Variants in COL6A3 observed in about 807,000 individuals in gnomAD.
COL6A3 encodes the protein collagen alpha-3(VI) chain.
Under a neutral mutation model 274.1 loss-of-function variants are expected in COL6A3, and 137 were observed. The observed-to-expected ratio is 0.50, with a 90% CI of 0.44 to 0.58. COL6A3 has a LOEUF of 0.58. COL6A3 is among the 20% of genes least tolerant of loss of function. COL6A3 has a pLI of 0.00. For missense variants in COL6A3, 3,950 were observed against 4,124.9 expected (o/e 0.96, Z 1.16); for synonymous variants, 1,650 against 1,650.6 (o/e 1.00, Z 0.01).
intron 1 of COL6A3, among the ~76,000 whole-genome samples, chr2:237,408,750 A>T (rs2645781): frequency 0.89 from 136,016 of 152,266 alleles, 61,072 homozygotes; most frequent in East Asian, 0.98. Context: ...TTTCTCTGTA[A>T]TTCATGAGTT....
chr2:237,345,204 C>T lies in COL6A3; in HGVS notation c.7102G>A (p.Gly2368Ser), dbSNP rs770166058. The change falls in exon 33 of 44, where the codon GGC (glycine) becomes AGC (serine). Residue 2368 changes from glycine (G) to serine (S), a missense_variant. By Grantham distance (56) the Gly-to-Ser change is moderately conservative. Around this residue, in one of 5 missense-constraint regions of COL6A3, gnomAD observed 1,284 missense variants for 1,349.7 expected, o/e 0.95. Coordinates refer to ENST00000295550, the MANE Select transcript of COL6A3 (RefSeq NM_004369.4). ...ACATCGATGGAGTCGCCCCTGTTGCCCTTGGGACCCTGTAAAACCAAGGAA... is the reference window on the plus strand; with the variant it reads ...ACATCGATGGAGTCGCCCCTGTTGCTCTTGGGACCCTGTAAAACCAAGGAA... ...PGYPGPAGPK[G>S]NRGDSIDQCA... is the part of the protein sequence containing the mutation. 1.2e-6 allele frequency: 2 copies of T among 1,614,108 alleles called. No individual in the cohort carries two copies. Among genetic ancestry groups the T allele is most frequent in the Non-Finnish European group, 8.5e-7 (1 of 1,180,018 alleles).
In COL6A3 at chr2:237,372,071, G is replaced by A. The variant is rs1230128316; in HGVS notation, c.3946C>T (p.Leu1316=). Residue 1316 remains leucine, a synonymous_variant, in exon 9 of 44, where the codon CTG becomes TTG. Transcript: ENST00000295550. The part of the protein sequence containing the change: ...GGRQINVGNA[L]EYVSRNIFKR... ...AAGATGTTCCTGGACACGTACTCCAGGGCATTGCCCACGTTGATCTGCCGC... is the reference window on the plus strand; with the variant it reads ...AAGATGTTCCTGGACACGTACTCCAAGGCATTGCCCACGTTGATCTGCCGC... The A allele has an allele frequency of 6.2e-7, 1 of 1,614,036 alleles. No homozygotes were observed. The highest frequency in any genetic ancestry group is 8.5e-7 in the Non-Finnish European group (1 of 1,180,044).
Position 237,345,232 on chromosome 2 carries a change from A to G in COL6A3, c.7093-19T>C. On this transcript the variant is annotated intron_variant, in intron 32 of 43. Coordinates refer to ENST00000295550, the MANE Select transcript of COL6A3 (RefSeq NM_004369.4). ...TGGGACCCTGTAAAACCAAGGAACG[A>G]AAGGTGAGAGGCACAGCAGATGGGG... 1 of 1,613,774 alleles carries G rather than the reference A, an allele frequency of 6.2e-7. No homozygotes were observed. The highest frequency in any genetic ancestry group is 1.3e-5 in the African/African-American group (1 of 75,054).
intron 36 of COL6A3, chr2:237,343,940 A>G: frequency 3.3e-6 from 1 of 301,470 alleles, no homozygotes; most frequent in South Asian, 3.3e-5. Flanking sequence ...ATGGGAAGCA[A>G]ATGCCCAGTA....
intron 2 of COL6A3, 60 bp from the exon 3 acceptor site, chr2:237,395,264 T>C: frequency 1.9e-6 from 3 of 1,576,972 alleles, no homozygotes; most frequent in South Asian, 1.1e-5. Flanking sequence ...TTCCTATCAA[T>C]GCAAAGCCTT....
rs11892689 is a variant in COL6A3, at chr2:237,394,178, G to A, written c.709+409C>T. Among the ~76,000 whole-genome samples, 1,044 of 152,206 alleles carry A rather than the reference G, an allele frequency of 6.9e-3. 9 individuals are homozygous for A. Among genetic ancestry groups the A allele is most frequent in the African/African-American group, 0.023 (942 of 41,528 alleles). ...ACTGGACACAAAAACAGATGCCCTC[G>A]CTCCCGTCTCAGTTCACGCACTCTC... On this transcript the variant is annotated intron_variant, in intron 3 of 43. Coordinates refer to ENST00000295550, the MANE Select transcript of COL6A3 (RefSeq NM_004369.4).
At position 237,388,133 on chromosome 2, in the gene COL6A3, C is replaced by T. The variant is rs1333371886; in HGVS notation, c.761G>A (p.Gly254Glu). Residue 254 changes from glycine (G) to glutamate (E), a missense_variant, in exon 4 of 44, where the codon GGA (glycine) becomes GAA (glutamate). Gly to Glu is a moderately conservative substitution (Grantham distance 98). Around this residue, in one of 5 missense-constraint regions of COL6A3, gnomAD observed 1,934 missense variants for 1,984.3 expected, o/e 0.97. Transcript: ENST00000295550. ...IFLIDGSNNT[G>E]SVNFAVILDF... ...GAGAATGACTGCGAAATTGACACTT[C>T]CGGTGTTGTTTGATCCATCAATAAG... 1 of 1,613,578 alleles carries T rather than the reference C, an allele frequency of 6.2e-7. No individual in the cohort carries two copies. Among genetic ancestry groups the T allele is most frequent in the Non-Finnish European group, 8.5e-7 (1 of 1,179,634 alleles).
At position 237,344,481 on chromosome 2, in the gene COL6A3, C is replaced by T. The variant is rs1045878745; in HGVS notation, c.7537G>A (p.Val2513Ile). ...RNGFLMRKVAVFFSNTPTRAS... is the reference protein window; with the variant it reads ...RNGFLMRKVAIFFSNTPTRAS... Reference sequence around the variant, plus strand: ...CTTGTGGGTGTGTTGCTGAAGAAAACAGCCACTTTCCTCATTAGGAATCCG... The same window carrying T: ...CTTGTGGGTGTGTTGCTGAAGAAAATAGCCACTTTCCTCATTAGGAATCCG... The change falls in exon 36 of 44, where the codon GTT becomes ATT. Residue 2513 changes from valine to isoleucine, a missense_variant. By Grantham distance (29) the Val-to-Ile change is conservative. Transcript: ENST00000295550. The surrounding 1 kb of genome is among the most constrained non-coding windows in gnomAD (Gnocchi z 4.8). 1.2e-6 allele frequency: 2 copies of T among 1,614,234 alleles called. No homozygotes were observed. The highest frequency in any genetic ancestry group is 1.7e-6 in the Non-Finnish European group (2 of 1,180,046).
chr2:237,341,023 G>C lies in COL6A3; in HGVS notation c.7893C>G (p.Thr2631=), dbSNP rs1419006535. ...TCTTCATCTCATTGAACTGGAACAG[G>C]GTGGTGGTCTCAGCGCTGTCTAAGA... ...AFILDSAETT[T]LFQFNEMKKY... Residue 2631 remains threonine (T), a synonymous_variant, in exon 38 of 44, where the codon ACC becomes ACG. Coordinates refer to ENST00000295550, the MANE Select transcript of COL6A3 (RefSeq NM_004369.4). 6.2e-7 allele frequency: 1 copy of C among 1,614,144 alleles called. No individual in the cohort carries two copies. The highest frequency in any genetic ancestry group is 8.5e-7 in the Non-Finnish European group (1 of 1,180,016).
chr2:237,397,955 G>A (rs2078493159), intron 1 of COL6A3, among the ~76,000 whole-genome samples: 1 of 152,198 alleles, frequency 6.6e-6, no homozygotes, highest in Admixed American at 6.5e-5. Context: ...GAATGGAAAT[G>A]GGTCAGGAGT....
intron 1 of COL6A3, among the ~76,000 whole-genome samples, chr2:237,404,862 T>C (rs922305187): frequency 2.6e-5 from 4 of 152,224 alleles, no homozygotes; most frequent in African/African-American, 9.6e-5. Flanking sequence ...ATCACTCACT[T>C]ACTTCAACCA....
At chr2:237,325,992 T>C (rs1048333728) in intron 42 of COL6A3, 1 of 346,868 alleles carries the variant, frequency 2.9e-6, no homozygotes, top group East Asian at 4.7e-5. Flanking sequence ...ATGCTGGCAA[T>C]GGTTATTGAA....
At chr2:237,353,194 T>C (rs2077244202) in intron 25 of COL6A3, 147 bp downstream of exon 25, 3 of 783,920 alleles carry the variant, frequency 3.8e-6, no homozygotes, top group African/African-American at 3.4e-5. Context: ...ATAGAGGTGA[T>C]GATTGCACAG....
At chr2:237,412,716 T>C (rs1164409692) in intron 1 of COL6A3, among the ~76,000 whole-genome samples, 1 of 152,206 alleles carries the variant, frequency 6.6e-6, no homozygotes, top group East Asian at 1.9e-4. Context: ...GCATTAAGAA[T>C]GGGACCCTGG....
intron 4 of COL6A3, 93 bp from the exon 5 acceptor site, chr2:237,381,592 C>A (rs772895962): frequency 9.3e-7 from 1 of 1,074,754 alleles, no homozygotes; most frequent in Non-Finnish European, 1.4e-6. Flanking sequence ...TTAAAGGACA[C>A]CCTCATTTAC....
chr2:237,389,676 A>C (rs566063425), intron 3 of COL6A3, among the ~76,000 whole-genome samples: 1 of 152,324 alleles, frequency 6.6e-6, no homozygotes, highest in African/African-American at 2.4e-5. Context: ...CCAGGTTCGG[A>C]ACTGCCCTCT....
chr2:237,378,542 A>G, intron 6 of COL6A3, 94 bp downstream of exon 6: 1 of 1,570,386 alleles, frequency 6.4e-7, no homozygotes, highest in Non-Finnish European at 8.7e-7. Context: ...GTCTTTGTAC[A>G]GTCCACAGTG....
intron 31 of COL6A3, among the ~76,000 whole-genome samples, chr2:237,347,053 A>G (rs746202348): frequency 2.0e-5 from 3 of 152,062 alleles, no homozygotes; most frequent in Admixed American, 6.6e-5. Flanking sequence ...CTTTACACAG[A>G]TCTAGGCCAC....
Position 237,344,547 on chromosome 2 carries a change from T to C in COL6A3, c.7471A>G (p.Met2491Val), listed in dbSNP as rs564553909. 1.9e-6 allele frequency: 3 copies of C among 1,614,170 alleles called. No individual in the cohort carries two copies. The highest frequency in any genetic ancestry group is 4.5e-5 in the East Asian group (2 of 44,886). ...AATGTGTTCCTGGCCACAAACGACA[T>C]GGCAGTCTCCAGACTCTGCTGTTTG... ...TSKQQSLETA[M>V]SFVARNTFKR... Residue 2491 changes from methionine (M) to valine (V), a missense_variant, in exon 36 of 44, where the codon ATG (methionine) becomes GTG (valine). Physicochemically the swap from Met to Val is conservative, Grantham distance 21. Coordinates refer to ENST00000295550, the MANE Select transcript of COL6A3 (RefSeq NM_004369.4). The surrounding 1 kb of genome is among the most constrained non-coding windows in gnomAD (Gnocchi z 4.8).
Sources: gnomAD v4.1 joint callset for allele counts (sites outside exome capture counted in the v4.1 genomes callset) on GRCh38, gnomAD v4.1.1 for gene constraint, gnomAD v4.1.1 regional missense constraint, Gnocchi (gnomAD v3.1) non-coding constraint, MANE v1.5 for transcripts, NCBI Gene and HGNC (gene_info 2026-07-23, HGNC 2026-07-21) for gene names.